Variants in GLI2 observed in about 807,000 individuals in gnomAD.
GLI2 encodes the protein transcription activator GLI2.
GLI2 carries 22 observed loss-of-function variants against 78.9 expected under a neutral mutation model. The observed-to-expected ratio is 0.28, with a 90% CI of 0.20 to 0.40. GLI2 has a LOEUF of 0.40. Among genes scored for constraint, GLI2 ranks in the 10% least tolerant of loss-of-function variants. The probability of loss-of-function intolerance (pLI) is 1.00; values close to 1 mark genes in which losing one functional copy is unlikely to be tolerated. For synonymous variants in GLI2, 974 were observed against 963.7 expected (o/e 1.01, Z -0.20); for missense variants, 2,097 against 2,213.2 (o/e 0.95, Z 1.05).
At chr2:120,832,915 C>T (rs1375840823) in intron 2 of GLI2, among the ~76,000 whole-genome samples, 3 of 152,046 alleles carry the variant, frequency 2.0e-5, no homozygotes, top group South Asian at 4.1e-4. Context: ...CTTCCTCAGC[C>T]GGGTGCTGGC....
chr2:120,799,362 G>A (rs1344483085), intron 2 of GLI2, among the ~76,000 whole-genome samples: 2 of 152,216 alleles, frequency 1.3e-5, no homozygotes, highest in African/African-American at 4.8e-5. Context: ...GCCTTCGTGA[G>A]CATAGTTGCC....
At chr2:120,858,368 G>A (rs534534615) in intron 2 of GLI2, among the ~76,000 whole-genome samples, 3 of 152,254 alleles carry the variant, frequency 2.0e-5, no homozygotes, top group Admixed American at 1.3e-4. Flanking sequence ...CCATGCCCCC[G>A]CCATGTCCAT....
chr2:120,868,633 T>A (rs1289461788), intron 2 of GLI2, among the ~76,000 whole-genome samples: 1 of 151,952 alleles, frequency 6.6e-6, no homozygotes, highest in Non-Finnish European at 1.5e-5. Flanking sequence ...GGTAAGGAGG[T>A]GAGACCTTCC....
chr2:120,814,761 T>G (rs1345420663), intron 2 of GLI2, among the ~76,000 whole-genome samples: 1 of 152,072 alleles, frequency 6.6e-6, no homozygotes, highest in Non-Finnish European at 1.5e-5. Context: ...TGGAACAGTT[T>G]TGGGATTCCT....
At chr2:120,981,975 A>T (rs1259056257) in intron 10 of GLI2, among the ~76,000 whole-genome samples, 1 of 152,222 alleles carries the variant, frequency 6.6e-6, no homozygotes, top group Non-Finnish European at 1.5e-5. Flanking sequence ...GGGTAACAAA[A>T]TGATTAAGAT....
intron 2 of GLI2, among the ~76,000 whole-genome samples, chr2:120,900,123 T>C (rs1217323514): frequency 6.6e-6 from 1 of 152,164 alleles, no homozygotes; most frequent in Non-Finnish European, 1.5e-5. Flanking sequence ...CAGAATCTCC[T>C]GGGGGTGGGA....
At position 120,766,362 on chromosome 2, in the gene GLI2, C is replaced by A. The variant is rs146496791; in HGVS notation, c.-31+30077C>A. 4.6e-3 allele frequency among the ~76,000 whole-genome samples: 696 copies of A among 152,254 alleles called. 2 individuals are homozygous for A. Among genetic ancestry groups the A allele is most frequent in the African/African-American group, 0.016 (659 of 41,546 alleles). ...TCCACTGGACGGAGAGGGCCTCACG[C>A]CCCTGGGGCTGACCCTAGGCTCCCC... On this transcript the variant is annotated intron_variant, in intron 1 of 13. Transcript: ENST00000361492.
chr2:120,848,857 G>A (rs571241686), intron 2 of GLI2, among the ~76,000 whole-genome samples: 93 of 152,262 alleles, frequency 6.1e-4, no homozygotes, highest in African/African-American at 2.2e-3. Flanking sequence ...TCTGGAGAGC[G>A]GAGCGGCACT....
intron 4 of GLI2, chr2:120,951,806 A>T (rs772752022): frequency 1.1e-4 from 22 of 195,470 alleles, no homozygotes; most frequent in Non-Finnish European, 2.3e-4. Flanking sequence ...TGCAGAAGGA[A>T]GGCGGAGTGG....
chr2:120,843,781 C>G lies in GLI2; in HGVS notation c.148+46313C>G, dbSNP rs138593776. Among the ~76,000 whole-genome samples, 1,142 of 152,294 alleles carry G rather than the reference C, an allele frequency of 7.5e-3. 18 individuals carry two copies. The highest frequency in any genetic ancestry group is 0.026 in the African/African-American group (1,074 of 41,542). On this transcript the variant is annotated intron_variant, in intron 2 of 13. Coordinates refer to ENST00000361492, the MANE Select transcript of GLI2 (RefSeq NM_001374353.1). The stretch of plus-strand genomic sequence containing the variant: ...TCCCGGGTTGAAGTGATTATCCTGT[C>G]TCAGTCTCCCAAGTAGCTGGGATTA...
intron 1 of GLI2, among the ~76,000 whole-genome samples, chr2:120,796,885 A>G (rs577074092): frequency 6.6e-6 from 1 of 152,336 alleles, no homozygotes; most frequent in East Asian, 1.9e-4. Context: ...TGAGCAGGGA[A>G]GCCACCTGAA....
At chr2:120,752,945 T>G (rs1682922082) in intron 1 of GLI2, among the ~76,000 whole-genome samples, 1 of 152,214 alleles carries the variant, frequency 6.6e-6, no homozygotes, top group African/African-American at 2.4e-5. Flanking sequence ...TAGTAGCTAT[T>G]GATGAACATT....
In GLI2 at chr2:120,820,481, G is replaced by A. The variant is rs1390103479; in HGVS notation, c.148+23013G>A. On this transcript the variant is annotated intron_variant, in intron 2 of 13. Coordinates refer to ENST00000361492, the MANE Select transcript of GLI2 (RefSeq NM_001374353.1). ...GCTGATGCTGGCGGCAAAGAAGCTGGTGGCAGGAGGAGGCGGAGAGCTGCC... is the reference window on the plus strand; with the variant it reads ...GCTGATGCTGGCGGCAAAGAAGCTGATGGCAGGAGGAGGCGGAGAGCTGCC... Among the ~76,000 whole-genome samples, 3 of 152,138 alleles carry A rather than the reference G, an allele frequency of 2.0e-5. No homozygotes were observed. In the East Asian group the frequency reaches 5.8e-4, roughly 29 times the overall value.
intron 4 of GLI2, among the ~76,000 whole-genome samples, chr2:120,952,408 G>A (rs2104954765): frequency 6.6e-6 from 1 of 152,348 alleles, no homozygotes; most frequent in East Asian, 1.9e-4. Flanking sequence ...TCCCCGAGAG[G>A]AATGCATCCT....
chr2:120,934,955 TC>T (rs1573629446), intron 3 of GLI2, among the ~76,000 whole-genome samples: 1 of 152,140 alleles, frequency 6.6e-6, no homozygotes, highest in Non-Finnish European at 1.5e-5. Flanking sequence ...ACCAGTGTCA[TC>T]CCGGGCCTTT....
chr2:120,881,783 GAGAACAGTGGGAGAAGACAGT>G (rs1677160637), intron 2 of GLI2, among the ~76,000 whole-genome samples: 1 of 1,298 alleles, frequency 7.7e-4, no homozygotes, highest in African/African-American at 3.2e-3. Context: ...GAACAGTGGG[GAGAACAGTGGGAGAAGACAGT>G]GGGGGAGAAC....
At chr2:120,749,827 G>A (rs1021738497) in intron 1 of GLI2, among the ~76,000 whole-genome samples, 3 of 152,318 alleles carry the variant, frequency 2.0e-5, no homozygotes, top group African/African-American at 7.2e-5. Context: ...ATCTCAAGAG[G>A]GGGGCCTTGG....
chr2:120,849,670 TC>T (rs1687309017), intron 2 of GLI2, among the ~76,000 whole-genome samples: 1 of 152,202 alleles, frequency 6.6e-6, no homozygotes, highest in Non-Finnish European at 1.5e-5. Flanking sequence ...AAGTTTCCAG[TC>T]CCTCTTCTTT....
At chr2:120,883,977 G>A (rs368208089) in intron 2 of GLI2, among the ~76,000 whole-genome samples, 6 of 152,204 alleles carry the variant, frequency 3.9e-5, no homozygotes, top group African/African-American at 1.4e-4. Context: ...GTGGGGATTT[G>A]CACCCTTCCG....
Sources: allele counts gnomAD v4.1 joint callset (sites outside exome capture counted in the v4.1 genomes callset), GRCh38; gene constraint gnomAD v4.1.1; transcripts MANE v1.5; gene names NCBI Gene and HGNC (gene_info 2026-07-23, HGNC 2026-07-21).